The following COX5A variants were observed in gnomAD, a reference collection of about 807,000 sequenced individuals.
COX5A encodes cytochrome c oxidase subunit 5A, mitochondrial.
A neutral mutation model predicts 16.1 loss-of-function variants in COX5A; 6 were observed. The ratio of observed to expected loss-of-function variants is 0.37; its 90% CI spans 0.20 to 0.73. The LOEUF is 0.73. Among genes scored for constraint, COX5A ranks in the 30% least tolerant of loss-of-function variants. The probability of loss-of-function intolerance (pLI) is 0.50; values close to 1 mark genes in which losing one functional copy is unlikely to be tolerated. For missense variants in COX5A, 159 were observed against 194.9 expected (o/e 0.82, Z 1.10); for synonymous variants, 73 against 73.8 (o/e 0.99, Z 0.06).
chr15:74,930,490 G>A (rs543324505), intron 1 of COX5A, among the ~76,000 whole-genome samples: 1 of 146,166 alleles, frequency 6.8e-6, no homozygotes, highest in South Asian at 2.2e-4. Context: ...AAAACTAAGA[G>A]CAATACTAAT....
chr15:74,923,835 G>T (rs2065332068), intron 3 of COX5A, 65 bp from the exon 4 acceptor site: 1 of 1,084,350 alleles, frequency 9.2e-7, no homozygotes, highest in Admixed American at 1.8e-5. Flanking sequence ...TTCATGAAAT[G>T]AACTTAAAAA....
At position 74,926,825 on chromosome 15, in the gene COX5A, G is replaced by A. The variant is rs746397506; in HGVS notation, c.280C>T (p.Arg94Trp). The A allele has an allele frequency of 3.3e-5, 53 of 1,613,564 alleles. No homozygotes were observed. The highest frequency in any genetic ancestry group is 4.3e-5 in the Non-Finnish European group (51 of 1,179,778). ...AAATCATTTAACCGTCTGCATGCCC[G>A]CAAAGCAGCATCAATGATTTTGGGC... is the stretch of plus-strand genomic sequence containing the variant. Reference protein sequence around the residue: ...PEPKIIDAALRACRRLNDFAS... With the variant: ...PEPKIIDAALWACRRLNDFAS... The change falls in exon 3 of 5, where the codon CGG (arginine) becomes TGG (tryptophan). Residue 94 changes from arginine to tryptophan, a missense_variant. Arg to Trp is a moderately radical substitution (Grantham distance 101). Transcript: ENST00000322347.
intron 2 of COX5A, among the ~76,000 whole-genome samples, chr15:74,928,516 C>T (rs1020487697): frequency 6.6e-6 from 1 of 152,060 alleles, no homozygotes; most frequent in Non-Finnish European, 1.5e-5. Flanking sequence ...TCCCGAGTAG[C>T]TGTGACTACA....
chr15:74,920,473 G>A, intron 4 of COX5A, 31 bp from the exon 5 acceptor site: 1 of 674,658 alleles, frequency 1.5e-6, no homozygotes. Flanking sequence ...AATTAGCCAG[G>A]AAAGAATAAA....
intron 1 of COX5A, among the ~76,000 whole-genome samples, chr15:74,929,927 A>C (rs918909778): frequency 2.0e-5 from 3 of 151,066 alleles, no homozygotes; most frequent in Non-Finnish European, 2.9e-5. Context: ...AAAATACAAA[A>C]AATTAGCCAG....
intron 4 of COX5A, among the ~76,000 whole-genome samples, chr15:74,923,250 C>A (rs2065329741): frequency 6.6e-6 from 1 of 151,836 alleles, no homozygotes; most frequent in South Asian, 2.1e-4. Context: ...AGGATGAAAT[C>A]CCGTCTTTAC....
intron 3 of COX5A, among the ~76,000 whole-genome samples, chr15:74,924,365 C>T (rs571698092): frequency 3.8e-4 from 58 of 152,012 alleles, no homozygotes; most frequent in African/African-American, 1.3e-3. Context: ...GGTGAAACCC[C>T]GTCTCTACTA....
At chr15:74,920,683 G>T (rs1430009957) in intron 4 of COX5A, among the ~76,000 whole-genome samples, 1 of 152,112 alleles carries the variant, frequency 6.6e-6, no homozygotes, top group East Asian at 1.9e-4. Context: ...TTTAACAAAA[G>T]AAATTTTTTT....
At position 74,923,762 on chromosome 15, in the gene COX5A, T is replaced by C. The variant is rs1368894670; in HGVS notation, c.348A>G (p.Ala116=). The C allele has an allele frequency of 6.3e-7, 1 of 1,580,466 alleles. No individual in the cohort carries two copies. Among genetic ancestry groups the C allele is most frequent in the Admixed American group, 1.7e-5 (1 of 59,884 alleles). Residue 116 remains alanine, a synonymous_variant, in exon 4 of 5, where the codon GCA becomes GCG. Coordinates refer to ENST00000322347, the MANE Select transcript of COX5A (RefSeq NM_004255.4). The part of the protein sequence containing the change: ...VRILEVVKDK[A]GPHKEIYPYV... ...AGGGGTAGATTTCCTTATGAGGTCC[T>C]GCTTTGTCCTGATGGCAAAGAGAAT...
intron 2 of COX5A, among the ~76,000 whole-genome samples, chr15:74,928,365 C>G (rs1326441136): frequency 1.3e-5 from 2 of 151,922 alleles, no homozygotes; most frequent in Non-Finnish European, 2.9e-5. Context: ...GGAAGGGAAC[C>G]AAATGACTGC....
rs1239146090 is a variant in COX5A at position 74,938,073 on chromosome 15, T to A, written c.-59A>T. On this transcript the variant is annotated 5_prime_UTR_variant, in exon 1 of 5. Transcript: ENST00000322347. ...GAGAAGCCGGTGTAAGCTCGCGGGT[T>A]GCTCCGGAGCGGGCGGGGGCCGGAC... The A allele has an allele frequency of 8.8e-7, 1 of 1,131,180 alleles. No homozygotes were observed. The highest frequency in any genetic ancestry group is 1.1e-6 in the Non-Finnish European group (1 of 898,540). 70.1% of individuals were successfully genotyped at this position (1,131,180 alleles called of 1,614,324 possible).
chr15:74,920,577 C>T (rs1020672535), intron 4 of COX5A, 135 bp from the exon 5 acceptor site: 1 of 587,764 alleles, frequency 1.7e-6, no homozygotes, highest in Admixed American at 3.8e-5. Flanking sequence ...CTTAATCCTG[C>T]CTACTGTCAA....
At chr15:74,936,886 A>G (rs1307622249) in intron 1 of COX5A, among the ~76,000 whole-genome samples, 1 of 151,906 alleles carries the variant, frequency 6.6e-6, no homozygotes, top group Non-Finnish European at 1.5e-5. Context: ...GCCTCGGCCT[A>G]CCAAAGTGCT....
At chr15:74,928,634 C>T (rs981047742) in intron 2 of COX5A, among the ~76,000 whole-genome samples, 1 of 152,188 alleles carries the variant, frequency 6.6e-6, no homozygotes, top group African/African-American at 2.4e-5. Context: ...ATCCGCCCAC[C>T]CTGGCCTCCT....
intron 1 of COX5A, among the ~76,000 whole-genome samples, chr15:74,930,073 C>T (rs1241056012): frequency 1.3e-5 from 2 of 148,496 alleles, no homozygotes; most frequent in Non-Finnish European, 3.0e-5. Context: ...AGCAAGACTC[C>T]AACTCAAAAA....
intron 1 of COX5A, 75 bp downstream of exon 1, chr15:74,937,840 G>T: frequency 1.1e-6 from 1 of 925,586 alleles, no homozygotes; most frequent in Non-Finnish European, 1.4e-6. Flanking sequence ...GGGAGAGCCC[G>T]CCCCGGAGTG....
At chr15:74,934,753 A>AC (rs1296239701) in intron 1 of COX5A, among the ~76,000 whole-genome samples, 4 of 152,038 alleles carry the variant, frequency 2.6e-5, no homozygotes, top group Admixed American at 6.6e-5. Context: ...TCTCTGCCCC[A>AC]CACACCCCAC....
intron 1 of COX5A, among the ~76,000 whole-genome samples, chr15:74,931,939 G>GAACAGCCTCT (rs2065369358): frequency 6.6e-6 from 1 of 152,170 alleles, no homozygotes; most frequent in Non-Finnish European, 1.5e-5. Flanking sequence ...GAACAGGTAG[G>GAACAGCCTCT]GGGATAGGCG....
chr15:74,932,039 G>GGAGAGA (rs781155505), intron 1 of COX5A, among the ~76,000 whole-genome samples: 25 of 152,244 alleles, frequency 1.6e-4, no homozygotes, highest in Admixed American at 7.2e-4. Flanking sequence ...GTTTGACCCT[G>GGAGAGA]GAAAATTAAC....
Sources: gnomAD v4.1 joint callset for allele counts (sites outside exome capture counted in the v4.1 genomes callset) on GRCh38, gnomAD v4.1.1 for gene constraint, MANE v1.5 for transcripts, NCBI Gene and HGNC (gene_info 2026-07-23, HGNC 2026-07-21) for gene names.